Variants in RO60 observed in about 807,000 individuals in gnomAD.
The protein encoded by RO60 is Ro60, Y RNA binding protein.
RO60 carries 20 observed loss-of-function variants against 55.3 expected under a neutral mutation model. That is an observed-to-expected ratio of 0.36 (90% CI 0.25 to 0.53). The LOEUF is 0.53. Among genes scored for constraint, RO60 ranks in the 20% least tolerant of loss-of-function variants. The pLI, the probability that RO60 is intolerant of heterozygous loss-of-function variation, is 0.92. For synonymous variants in RO60, 213 were observed against 213.6 expected (o/e 1.00, Z 0.02); for missense variants, 558 against 646.6 (o/e 0.86, Z 1.49).
Position 193,084,933 on chromosome 1 carries a change from A to G in RO60, c.*202A>G. 2 of 1,514,672 alleles carry G rather than the reference A, an allele frequency of 1.3e-6. No individual in the cohort carries two copies. Among genetic ancestry groups the G allele is most frequent in the Non-Finnish European group, 1.8e-6 (2 of 1,136,296 alleles). 93.8% of individuals were successfully genotyped at this position (1,514,672 alleles called of 1,614,324 possible). Reference sequence around the variant, plus strand: ...TATCTACTAAACTAGCTCTTGGGGAAATAGCTTCAGGATACTGTAGTTTCC... The same window carrying G: ...TATCTACTAAACTAGCTCTTGGGGAGATAGCTTCAGGATACTGTAGTTTCC... On this transcript the variant is annotated 3_prime_UTR_variant, in exon 9 of 9. Transcript: ENST00000400968.
In RO60 at chr1:193,060,072, A is replaced by G. The variant is rs1022776267; in HGVS notation, c.-22+296A>G. 45 of 1,305,630 alleles carry G rather than the reference A, an allele frequency of 3.4e-5. No homozygotes were observed. The Middle Eastern group carries it at 9.2e-4, about 27-fold the overall frequency. The allele number at this position is 1,305,630 out of a possible 1,614,324, so 80.9% of individuals were successfully genotyped here. ...CATCGCTCCCCACAGGCCGACGTCG[A>G]GAGGGCCTGCTTTACTCCTCCTCTT... is the stretch of plus-strand genomic sequence containing the variant. On this transcript the variant is annotated intron_variant, in intron 1 of 8. Transcript: ENST00000400968.
chr1:193,059,843 C>T lies in RO60; in HGVS notation c.-22+67C>T. On this transcript the variant is annotated intron_variant, in intron 1 of 8. Coordinates refer to ENST00000400968, the MANE Select transcript of RO60 (RefSeq NM_001173524.2). The surrounding 1 kb of genome is among the most constrained non-coding windows in gnomAD (Gnocchi z 4.9). ...GCCCCAGGGACGCGCAAATTCTGAC[C>T]AGTCCTCCATGTCTCTCACCCGCAT... The T allele has an allele frequency of 2.2e-6, 3 of 1,361,870 alleles. No homozygotes were observed. The highest frequency in any genetic ancestry group is 2.9e-6 in the Non-Finnish European group (3 of 1,019,762). The allele number at this position is 1,361,870 out of a possible 1,614,324, so 84.4% of individuals were successfully genotyped here. A position where few individuals can be genotyped will look rare whatever the true frequency, so the allele number is the denominator to read the frequency against.
At chr1:193,084,167 A>T (rs188153134) in intron 8 of RO60, among the ~76,000 whole-genome samples, 4 of 152,370 alleles carry the variant, frequency 2.6e-5, no homozygotes, top group Admixed American at 6.5e-5. Context: ...TATATCGCAC[A>T]TATCAAAGTC....
At chr1:193,075,271 TCAA>T (rs2103051490) in intron 2 of RO60, among the ~76,000 whole-genome samples, 1 of 147,312 alleles carries the variant, frequency 6.8e-6, no homozygotes, top group South Asian at 2.2e-4. Flanking sequence ...GTGGAGGAAA[TCAA>T]CAAGTTACTG....
At chr1:193,066,912 T>C (rs904438047) in intron 1 of RO60, among the ~76,000 whole-genome samples, 4 of 152,170 alleles carry the variant, frequency 2.6e-5, no homozygotes, top group Admixed American at 2.6e-4. Context: ...AGTTTTTTAG[T>C]TTGCCTTCTC....
chr1:193,079,154 A>G (rs1674127046), intron 5 of RO60, among the ~76,000 whole-genome samples: 1 of 137,360 alleles, frequency 7.3e-6, no homozygotes, highest in Admixed American at 8.6e-5. Flanking sequence ...GTGGTGCAAT[A>G]TCAGCTCACT....
intron 2 of RO60, among the ~76,000 whole-genome samples, chr1:193,072,347 T>C (rs1474629082): frequency 6.6e-6 from 1 of 152,196 alleles, no homozygotes; most frequent in Non-Finnish European, 1.5e-5. Context: ...TAGAAACTGT[T>C]CTAAGAACTT....
At chr1:193,060,168 T>C (rs566408809) in intron 1 of RO60, 4 of 1,123,418 alleles carry the variant, frequency 3.6e-6, no homozygotes, top group Non-Finnish European at 4.5e-6. Flanking sequence ...AGAAGGATCT[T>C]TGTGGGAAGA....
chr1:193,069,674 G>A (rs771472348), intron 2 of RO60, 40 bp downstream of exon 2: 11 of 1,495,064 alleles, frequency 7.4e-6, no homozygotes, highest in South Asian at 3.9e-5. Context: ...GGTGGGTAAG[G>A]GATATTCAAT....
At position 193,069,561 on chromosome 1, in the gene RO60, A is replaced by C; in HGVS notation, c.507A>C (p.Thr169=). 1 of 1,614,222 alleles carries C rather than the reference A, an allele frequency of 6.2e-7. No homozygotes were observed. ...KGGMALALAV[T]KYKQRNGWSH... Reference sequence around the variant, plus strand: ...GCATGGCCCTTGCTCTGGCAGTTACAAAATATAAACAGAGAAATGGCTGGT... The same window carrying C: ...GCATGGCCCTTGCTCTGGCAGTTACCAAATATAAACAGAGAAATGGCTGGT... The change falls in exon 2 of 9, where the codon ACA becomes ACC. Residue 169 remains threonine (T), a synonymous_variant. Coordinates refer to ENST00000400968, the MANE Select transcript of RO60 (RefSeq NM_001173524.2).
rs540490115 is a variant in RO60 at position 193,088,081 on chromosome 1, C to T, written c.*3350C>T. 1.8e-3 allele frequency: 274 copies of T among 150,720 alleles called. No individual in the cohort carries two copies. The highest frequency in any genetic ancestry group is 2.9e-3 in the Non-Finnish European group (195 of 67,842). 9.3% of individuals were successfully genotyped at this position (150,720 alleles called of 1,614,324 possible). A position where few individuals can be genotyped will look rare whatever the true frequency, so the allele number is the denominator to read the frequency against. The stretch of plus-strand genomic sequence containing the variant: ...AGGCTGGAGTGGCATGATCACAGCT[C>T]ACTGCAGCCTTGACCTCCCAAGTTC... On this transcript the variant is annotated 3_prime_UTR_variant, in exon 9 of 9. Transcript: ENST00000400968.
At chr1:193,061,720 C>T (rs2103012504) in intron 1 of RO60, among the ~76,000 whole-genome samples, 1 of 152,382 alleles carries the variant, frequency 6.6e-6, no homozygotes, top group Non-Finnish European at 1.5e-5. Flanking sequence ...CACCGTGGCT[C>T]ACGCCTGTAA....
Position 193,087,519 on chromosome 1 carries a change from G to A in RO60, c.*2788G>A, listed in dbSNP as rs1357456395. ...ATTTAGTAATCTATCTTATGAGAGT[G>A]TTAGTGAGGCAAGATGCTAGTGAAT... On this transcript the variant is annotated 3_prime_UTR_variant, in exon 9 of 9. Transcript: ENST00000400968. The A allele has an allele frequency of 6.6e-6, 1 of 152,106 alleles. No homozygotes were observed. Among genetic ancestry groups the A allele is most frequent in the Non-Finnish European group, 1.5e-5 (1 of 67,986 alleles). The allele number at this position is 152,106 out of a possible 1,614,324, so 9.4% of individuals were successfully genotyped here.
chr1:193,060,007 G>C lies in RO60; in HGVS notation c.-22+231G>C, dbSNP rs550768946. On this transcript the variant is annotated intron_variant, in intron 1 of 8. Transcript: ENST00000400968. Reference sequence around the variant, plus strand: ...AGGCCCGGCCGGACCATTCCTCAGGGTGGGCCCTTTCCGAAGCCGGGACCG... The same window carrying C: ...AGGCCCGGCCGGACCATTCCTCAGGCTGGGCCCTTTCCGAAGCCGGGACCG... 3 of 1,361,462 alleles carry C rather than the reference G, an allele frequency of 2.2e-6. No individual in the cohort carries two copies. In the Admixed American group the frequency reaches 5.7e-5, roughly 26 times the overall value. The allele number at this position is 1,361,462 out of a possible 1,614,324, so 84.3% of individuals were successfully genotyped here.
chr1:193,083,071 AT>A (rs1450196432), intron 8 of RO60, among the ~76,000 whole-genome samples: 1 of 152,110 alleles, frequency 6.6e-6, no homozygotes, highest in Non-Finnish European at 1.5e-5. Context: ...TTATTCACTT[AT>A]GTGTTTCAAA....
chr1:193,076,723 T>C (rs1673947609), intron 4 of RO60, 76 bp downstream of exon 4: 1 of 1,441,244 alleles, frequency 6.9e-7, no homozygotes, highest in Non-Finnish European at 9.4e-7. Context: ...ATGCCGTCAG[T>C]GCATTTTTAA....
Position 193,088,264 on chromosome 1 carries a change from G to A in RO60, c.*3533G>A, listed in dbSNP as rs1173553300. 1 of 143,138 alleles carries A rather than the reference G, an allele frequency of 7.0e-6. No individual in the cohort carries two copies. The highest frequency in any genetic ancestry group is 7.5e-5 in the Admixed American group (1 of 13,410). 8.9% of individuals were successfully genotyped at this position (143,138 alleles called of 1,614,324 possible). ...TGGGCTCAAGGGATCTTCCTGCCTTGGCCTCCCGAAGTGCTGGAATTAGAG... is the reference window on the plus strand; with the variant it reads ...TGGGCTCAAGGGATCTTCCTGCCTTAGCCTCCCGAAGTGCTGGAATTAGAG... On this transcript the variant is annotated 3_prime_UTR_variant, in exon 9 of 9. Transcript: ENST00000400968.
At position 193,089,533 on chromosome 1, in the gene RO60, T is replaced by A. The variant is rs1419742231; in HGVS notation, c.*4802T>A. On this transcript the variant is annotated 3_prime_UTR_variant, in exon 9 of 9. Transcript: ENST00000400968. ...AATGTAGTTAAGCATACTGTTTGAA[T>A]AAAATTATAATAAATGGCACAATTC... The A allele has an allele frequency of 6.6e-6, 1 of 152,152 alleles. No individual in the cohort carries two copies. The highest frequency in any genetic ancestry group is 1.5e-5 in the Non-Finnish European group (1 of 68,020). The allele number at this position is 152,152 out of a possible 1,614,324, so 9.4% of individuals were successfully genotyped here.
chr1:193,059,848 C>A lies in RO60; in HGVS notation c.-22+72C>A. ...AGGGACGCGCAAATTCTGACCAGTC[C>A]TCCATGTCTCTCACCCGCATCCCAG... On this transcript the variant is annotated intron_variant, in intron 1 of 8. Transcript: ENST00000400968. This position sits in a 1 kb window ranked among gnomAD's most constrained non-coding sequence, Gnocchi z 4.9. The A allele has an allele frequency of 7.3e-7, 1 of 1,362,502 alleles. No homozygotes were observed. The highest frequency in any genetic ancestry group is 4.6e-5 in the East Asian group (1 of 21,798). 84.4% of individuals were successfully genotyped at this position (1,362,502 alleles called of 1,614,324 possible).
Sources: gnomAD v4.1 joint callset for allele counts (sites outside exome capture counted in the v4.1 genomes callset) on GRCh38, gnomAD v4.1.1 for gene constraint, Gnocchi (gnomAD v3.1) non-coding constraint, MANE v1.5 for transcripts, NCBI Gene and HGNC (gene_info 2026-07-23, HGNC 2026-07-21) for gene names.